Variants in ATAD2B observed in about 807,000 individuals in gnomAD.
ATAD2B encodes the protein ATPase family AAA domain containing 2B.
ATAD2B carries 40 observed loss-of-function variants against 167.6 expected under a neutral mutation model. The ratio of observed to expected loss-of-function variants is 0.24; its 90% CI spans 0.19 to 0.31. The LOEUF (loss-of-function observed/expected upper bound fraction) is 0.31, where lower values mean the gene tolerates loss of function less well. Ranked by LOEUF, ATAD2B falls within the 10% of genes least tolerant of loss-of-function variation. The pLI is 1.00. For synonymous variants in ATAD2B, 579 were observed against 596.5 expected, an observed-to-expected ratio of 0.97 and a Z score of 0.43; for missense variants, 1,242 against 1,757.2, an observed-to-expected ratio of 0.71 and a Z score of 5.24.
At chr2:23,791,876 A>T (rs900468357) in intron 19 of ATAD2B, among the ~76,000 whole-genome samples, 5 of 152,090 alleles carry the variant, frequency 3.3e-5, no homozygotes, top group African/African-American at 1.2e-4. Context: ...CCCTGCTTTC[A>T]ATTCTTTTGA....
chr2:23,752,386 GGAT>G (rs1675447809), intron 27 of ATAD2B, among the ~76,000 whole-genome samples: 1 of 150,474 alleles, frequency 6.6e-6, no homozygotes, highest in African/African-American at 2.4e-5. Flanking sequence ...ATGAATATAA[GGAT>G]GATGATAGCA....
the ATAD2B span, among the ~76,000 whole-genome samples, chr2:23,734,687 A>T: frequency 6.6e-6 from 1 of 152,118 alleles, no homozygotes; most frequent in Non-Finnish European, 1.5e-5. Context: ...TATCATGAGA[A>T]CAGCAAGGGG....
chr2:23,733,581 T>A, the ATAD2B span, among the ~76,000 whole-genome samples: 1 of 152,238 alleles, frequency 6.6e-6, no homozygotes, highest in Non-Finnish European at 1.5e-5. Flanking sequence ...TTTATCTAAA[T>A]GTGTGCTGCA....
intron 7 of ATAD2B, among the ~76,000 whole-genome samples, chr2:23,878,152 A>C (rs1697312359): frequency 6.6e-6 from 1 of 151,734 alleles, no homozygotes; most frequent in Non-Finnish European, 1.5e-5. Flanking sequence ...CCTAAGGACA[A>C]GAGTTCGAGA....
At position 23,926,727 on chromosome 2, in the gene ATAD2B, T is replaced by G. The variant is rs1704921559; in HGVS notation, c.44A>C (p.Lys15Thr). The G allele has an allele frequency of 1.3e-6, 2 of 1,548,824 alleles. No individual in the cohort carries two copies. The highest frequency in any genetic ancestry group is 1.7e-6 in the Non-Finnish European group (2 of 1,146,504). Residue 15 changes from lysine to threonine, a missense_variant, in exon 1 of 28, where the codon AAG becomes ACG. By Grantham distance (78) the Lys-to-Thr change is moderately conservative. Around this residue, in one of 9 missense-constraint regions of ATAD2B, gnomAD observed 199 missense variants for 194.9 expected, o/e 1.02. Transcript: ENST00000238789. ...AGGCCCAGGCCCGGGACCAGGAGACTTGGACCCGAGAAGGCGGAGAGAGCT... is the reference window on the plus strand; with the variant it reads ...AGGCCCAGGCCCGGGACCAGGAGACGTGGACCCGAGAAGGCGGAGAGAGCT... Reference protein sequence around the residue: ...RKSSLRLLGSKSPGPGPGPGA... With the variant: ...RKSSLRLLGSTSPGPGPGPGA...
At chr2:23,919,951 G>T (rs531081123) in intron 1 of ATAD2B, among the ~76,000 whole-genome samples, 1 of 151,826 alleles carries the variant, frequency 6.6e-6, no homozygotes, top group Non-Finnish European at 1.5e-5. Context: ...AGGATTTCAA[G>T]ACCAGCCTGG....
At chr2:23,777,585 G>A (rs945708724) in intron 22 of ATAD2B, among the ~76,000 whole-genome samples, 4 of 152,146 alleles carry the variant, frequency 2.6e-5, no homozygotes, top group Non-Finnish European at 5.9e-5. Flanking sequence ...AAAAGTTTGG[G>A]TGAATCTGGG....
chr2:23,767,909 A>C (rs1459656062), intron 22 of ATAD2B, among the ~76,000 whole-genome samples: 1 of 123,572 alleles, frequency 8.1e-6, no homozygotes, highest in Admixed American at 7.9e-5. Flanking sequence ...AAAAACAAAC[A>C]AAAAAAAAAA....
chr2:23,882,499 A>T (rs146179419), intron 6 of ATAD2B, among the ~76,000 whole-genome samples: 16,373 of 128,252 alleles, frequency 0.13, 1,064 homozygotes, highest in Middle Eastern at 0.22. Flanking sequence ...CCCAGCCTCT[A>T]TTTAAAAAAA....
intron 17 of ATAD2B, among the ~76,000 whole-genome samples, chr2:23,817,439 G>A (rs765142587): frequency 7.2e-5 from 11 of 152,148 alleles, no homozygotes; most frequent in Non-Finnish European, 1.3e-4. Flanking sequence ...GCACTCAGAT[G>A]CAAACTCCCA....
At chr2:23,682,587 G>A in the ATAD2B span, among the ~76,000 whole-genome samples, 1,732 of 152,170 alleles carry the variant, frequency 0.011, 19 homozygotes, top group Middle Eastern at 0.031. The surrounding 1 kb of genome is among the most constrained non-coding windows in gnomAD (Gnocchi z 4.1). Flanking sequence ...AGACTGTTGC[G>A]ATCTGGCCCC....
chr2:23,819,971 A>T (rs1687203963), intron 16 of ATAD2B, 89 bp from the exon 17 acceptor site: 1 of 844,202 alleles, frequency 1.2e-6, no homozygotes, highest in Non-Finnish European at 1.8e-6. Context: ...GGGTTAAAAA[A>T]TCAAATGACA....
chr2:23,783,590 G>C (rs1278644044), intron 21 of ATAD2B, among the ~76,000 whole-genome samples: 1 of 151,968 alleles, frequency 6.6e-6, no homozygotes, highest in African/African-American at 2.4e-5. Context: ...ACCAGTACGA[G>C]ATCTGCTGGA....
chr2:23,693,320 C>T, the ATAD2B span: 1 of 1,550,712 alleles, frequency 6.4e-7, no homozygotes, highest in Admixed American at 2.0e-5. Context: ...ATGGCCGAGG[C>T]CATGCAGTGC....
intron 22 of ATAD2B, among the ~76,000 whole-genome samples, chr2:23,772,717 G>A (rs1254224797): frequency 6.6e-6 from 1 of 151,936 alleles, no homozygotes; most frequent in Admixed American, 6.6e-5. Context: ...CATTTGAGAG[G>A]GAACACTGCT....
chr2:23,855,513 C>G (rs991275184), intron 13 of ATAD2B, among the ~76,000 whole-genome samples: 1 of 152,092 alleles, frequency 6.6e-6, no homozygotes, highest in South Asian at 2.1e-4. Flanking sequence ...ATGGTAAAAC[C>G]ACTTTGGAAA....
At chr2:23,886,481 T>A (rs900450661) in intron 4 of ATAD2B, among the ~76,000 whole-genome samples, 1 of 152,140 alleles carries the variant, frequency 6.6e-6, no homozygotes, top group Non-Finnish European at 1.5e-5. Flanking sequence ...GTATTAAGAA[T>A]AACTTGTACA....
chr2:23,854,625 C>T (rs1179193303), intron 13 of ATAD2B, among the ~76,000 whole-genome samples: 2 of 151,470 alleles, frequency 1.3e-5, no homozygotes, highest in Non-Finnish European at 2.9e-5. Flanking sequence ...TTGCAGTGAG[C>T]CAAGATCGTG....
chr2:23,842,612 G>T (rs1691101147), intron 13 of ATAD2B, among the ~76,000 whole-genome samples: 1 of 152,058 alleles, frequency 6.6e-6, no homozygotes, highest in Non-Finnish European at 1.5e-5. Context: ...GGTTGGGAGG[G>T]TGCCTTATTA....
Sources: gnomAD v4.1 joint callset for allele counts (sites outside exome capture counted in the v4.1 genomes callset) on GRCh38, gnomAD v4.1.1 for gene constraint, gnomAD v4.1.1 regional missense constraint, Gnocchi (gnomAD v3.1) non-coding constraint, MANE v1.5 for transcripts, NCBI Gene and HGNC (gene_info 2026-07-23, HGNC 2026-07-21) for gene names.